QTMAN: variants seen among roughly 807,000 people sequenced by gnomAD.
The protein encoded by QTMAN is tRNA-queuosine alpha-mannosyltransferase.
the QTMAN span, among the ~76,000 whole-genome samples, chr2:144,326,404 G>A: frequency 2.6e-5 from 4 of 151,912 alleles, no homozygotes; most frequent in Admixed American, 6.6e-5. Context: ...TGGCTAACAC[G>A]GTGAAACCCC....
chr2:144,183,812 C>T, the QTMAN span, among the ~76,000 whole-genome samples: 810 of 152,316 alleles, frequency 5.3e-3, 4 homozygotes, highest in Non-Finnish European at 7.7e-3. Context: ...CACCTCCCCA[C>T]CCCCAACCAA....
chr2:144,139,309 A>G, the QTMAN span, among the ~76,000 whole-genome samples: 78 of 152,228 alleles, frequency 5.1e-4, no homozygotes, highest in East Asian at 0.015. Context: ...TCAGATGCCA[A>G]TAAATATGCT....
chr2:144,067,769 C>A, the QTMAN span, among the ~76,000 whole-genome samples: 1 of 152,152 alleles, frequency 6.6e-6, no homozygotes, highest in East Asian at 1.9e-4. Context: ...CATCCAGTAA[C>A]CTTCTGGTAA....
At chr2:144,245,814 A>C in the QTMAN span, among the ~76,000 whole-genome samples, 19 of 152,220 alleles carry the variant, frequency 1.2e-4, no homozygotes, top group Admixed American at 1.3e-4. Flanking sequence ...AGCATTTCCA[A>C]AATTAAAAAT....
At chr2:144,154,441 C>T in the QTMAN span, among the ~76,000 whole-genome samples, 1 of 152,124 alleles carries the variant, frequency 6.6e-6, no homozygotes, top group Non-Finnish European at 1.5e-5. Flanking sequence ...CTTACATAAT[C>T]AGATAGTGAT....
chr2:144,243,765 G>A, the QTMAN span, among the ~76,000 whole-genome samples: 1 of 152,014 alleles, frequency 6.6e-6, no homozygotes, highest in Non-Finnish European at 1.5e-5. Context: ...AAGTTCAATC[G>A]CCTATCATCT....
At chr2:144,162,206 G>C in the QTMAN span, among the ~76,000 whole-genome samples, 1 of 151,952 alleles carries the variant, frequency 6.6e-6, no homozygotes, top group African/African-American at 2.4e-5. Context: ...CACTGTCCTG[G>C]GTGTTTTCAG....
the QTMAN span, among the ~76,000 whole-genome samples, chr2:144,147,133 G>T: frequency 6.6e-6 from 1 of 151,646 alleles, no homozygotes; most frequent in Non-Finnish European, 1.5e-5. Flanking sequence ...TACATAATAA[G>T]TGCATATATC....
At chr2:144,328,161 T>C in the QTMAN span, among the ~76,000 whole-genome samples, 1 of 152,052 alleles carries the variant, frequency 6.6e-6, no homozygotes, top group African/African-American at 2.4e-5. Context: ...ATGTTGGCCA[T>C]GTTGGTCTCG....
the QTMAN span, among the ~76,000 whole-genome samples, chr2:143,965,341 T>C: frequency 1.3e-5 from 2 of 152,232 alleles, no homozygotes; most frequent in Admixed American, 1.3e-4. Flanking sequence ...ATGAGTCCTA[T>C]AATAAAATCT....
chr2:144,242,176 T>C, the QTMAN span, among the ~76,000 whole-genome samples: 230 of 152,292 alleles, frequency 1.5e-3, 2 homozygotes, highest in Non-Finnish European at 2.5e-3. Context: ...TAAGAAGAGC[T>C]TAACTTTAGT....
chr2:144,102,932 T>C, the QTMAN span, among the ~76,000 whole-genome samples: 1 of 152,198 alleles, frequency 6.6e-6, no homozygotes, highest in African/African-American at 2.4e-5. Flanking sequence ...GGAGTGCAGC[T>C]TCATTATCTC....
chr2:144,287,209 G>T, the QTMAN span, among the ~76,000 whole-genome samples: 1 of 152,170 alleles, frequency 6.6e-6, no homozygotes, highest in Non-Finnish European at 1.5e-5. Context: ...GGCCAAAGCG[G>T]GCGGATCACA....
the QTMAN span, chr2:143,943,449 C>T: frequency 6.6e-6 from 1 of 152,212 alleles, no homozygotes; most frequent in Non-Finnish European, 1.5e-5. Context: ...TGTATGTCAG[C>T]ATTAAAAGAC....
At chr2:144,094,784 G>A in the QTMAN span, among the ~76,000 whole-genome samples, 2 of 152,128 alleles carry the variant, frequency 1.3e-5, no homozygotes, top group Admixed American at 6.5e-5. Context: ...AGTATATATC[G>A]AAACAAATGA....
the QTMAN span, among the ~76,000 whole-genome samples, chr2:144,161,573 G>A: frequency 1.4e-3 from 217 of 152,132 alleles, no homozygotes; most frequent in African/African-American, 4.6e-3. Context: ...TGAAAAAAAC[G>A]AAAGAATGAT....
chr2:143,989,717 C>G, the QTMAN span, among the ~76,000 whole-genome samples: 1 of 152,002 alleles, frequency 6.6e-6, no homozygotes, highest in Admixed American at 6.6e-5. Context: ...GAATATTTTT[C>G]AAGAATTCTT....
the QTMAN span, among the ~76,000 whole-genome samples, chr2:143,981,923 C>T: frequency 6.6e-6 from 1 of 152,124 alleles, no homozygotes; most frequent in African/African-American, 2.4e-5. Flanking sequence ...CTCTATTACT[C>T]TACTGAGTCC....
At chr2:144,289,134 C>G in the QTMAN span, among the ~76,000 whole-genome samples, 3 of 150,912 alleles carry the variant, frequency 2.0e-5, no homozygotes, top group Non-Finnish European at 4.4e-5. Context: ...CCCGGGTTCA[C>G]GCCATTCTCC....
Sources: allele counts gnomAD v4.1 joint callset (sites outside exome capture counted in the v4.1 genomes callset), GRCh38; gene constraint gnomAD v4.1.1; transcripts MANE v1.5; gene names NCBI Gene and HGNC (gene_info 2026-07-23, HGNC 2026-07-21).